The following ACTR8 variants were observed in gnomAD, a reference collection of about 807,000 sequenced individuals.
ACTR8 encodes actin-related protein 8.
ACTR8 carries 70 observed loss-of-function variants against 84.3 expected under a neutral mutation model. The ratio of observed to expected loss-of-function variants is 0.83; its 90% CI spans 0.68 to 1.01. The LOEUF is 1.01. ACTR8 is among the 50% of genes least tolerant of loss of function. The pLI, the probability that ACTR8 is intolerant of heterozygous loss-of-function variation, is 0.00. For missense variants in ACTR8, 672 were observed against 775.4 expected, an observed-to-expected ratio of 0.87 and a Z score of 1.58; for synonymous variants, 268 against 275.2, an observed-to-expected ratio of 0.97 and a Z score of 0.26.
chr3:53,867,366 A>C lies in ACTR8; in HGVS notation c.*1353T>G, dbSNP rs1183082426. Reference sequence around the variant, plus strand: ...AACAAATTTAAAAAATAAAACATACAATTTTCAAATTGAAGGCACACATCC... The same window carrying C: ...AACAAATTTAAAAAATAAAACATACCATTTTCAAATTGAAGGCACACATCC... On this transcript the variant is annotated 3_prime_UTR_variant, in exon 13 of 13. Coordinates refer to ENST00000335754, the MANE Select transcript of ACTR8 (RefSeq NM_022899.5). 1 of 152,206 alleles carries C rather than the reference A, an allele frequency of 6.6e-6. No homozygotes were observed. The highest frequency in any genetic ancestry group is 1.5e-5 in the Non-Finnish European group (1 of 68,040). 9.4% of individuals were successfully genotyped at this position (152,206 alleles called of 1,614,324 possible). A position where few individuals can be genotyped will look rare whatever the true frequency, so the allele number is the denominator to read the frequency against.
intron 7 of ACTR8, among the ~76,000 whole-genome samples, chr3:53,874,593 G>A (rs1428122473): frequency 1.3e-5 from 2 of 151,976 alleles, no homozygotes; most frequent in East Asian, 3.9e-4. Flanking sequence ...GCATGGTGGT[G>A]CACACCTGTA....
intron 2 of ACTR8, among the ~76,000 whole-genome samples, chr3:53,879,623 C>T (rs1700029056): frequency 6.6e-6 from 1 of 152,116 alleles, no homozygotes; most frequent in Non-Finnish European, 1.5e-5. Context: ...GAGATATTTA[C>T]AGTTTAAATA....
At chr3:53,864,483 C>A (rs949034639), downstream of ACTR8, among the ~76,000 whole-genome samples, 1 of 151,906 alleles carries the variant, frequency 6.6e-6, no homozygotes, top group East Asian at 1.9e-4. Context: ...TGTAGTCAGC[C>A]GAGGTCACGC....
At position 53,868,126 on chromosome 3, in the gene ACTR8, T is replaced by C. The variant is rs1361520804; in HGVS notation, c.*593A>G. 2.0e-5 allele frequency: 3 copies of C among 152,174 alleles called. No homozygotes were observed. The highest frequency in any genetic ancestry group is 6.5e-5 in the Admixed American group (1 of 15,272). The allele number at this position is 152,174 out of a possible 1,614,324, so 9.4% of individuals were successfully genotyped here. On this transcript the variant is annotated 3_prime_UTR_variant, in exon 13 of 13. Transcript: ENST00000335754. Reference sequence around the variant, plus strand: ...GCCAGTCTGCCCAGCCTTCCATCTTTACCTTTGGAAATCGAGACCTGAATG... The same window carrying C: ...GCCAGTCTGCCCAGCCTTCCATCTTCACCTTTGGAAATCGAGACCTGAATG...
chr3:53,881,934 G>A (rs762665619), intron 1 of ACTR8, 45 bp downstream of exon 1: 20 of 1,552,602 alleles, frequency 1.3e-5, no homozygotes, highest in Non-Finnish European at 1.6e-5. Flanking sequence ...TGGCAGCGGA[G>A]GACCCAAGCA....
chr3:53,881,295 T>G (rs1700055496), intron 1 of ACTR8, among the ~76,000 whole-genome samples: 1 of 152,224 alleles, frequency 6.6e-6, no homozygotes, highest in African/African-American at 2.4e-5. Flanking sequence ...ACACTGCCTG[T>G]GCCCGTTTTC....
chr3:53,876,530 T>G, intron 6 of ACTR8, 90 bp downstream of exon 6: 2 of 772,086 alleles, frequency 2.6e-6, no homozygotes, highest in Non-Finnish European at 2.1e-6. Context: ...AATAAATAAA[T>G]AAATAAATAA....
At chr3:53,865,944 T>C (rs1381321504), downstream of ACTR8, 1 of 152,258 alleles carries the variant, frequency 6.6e-6, no homozygotes, top group Non-Finnish European at 1.5e-5. Flanking sequence ...CAAACTTGTC[T>C]ACTTTTGCCT....
rs369760477 is a variant in ACTR8 at position 53,869,977 on chromosome 3, C to T, written c.1731+5G>A. ...CAGTCCAACTTGCACAATGAAACAA[C>T]CTACCTTAGGCCTTGTGATCACATC... On this transcript the variant is annotated splice_donor_5th_base_variant and intron_variant, in intron 12 of 12. Coordinates refer to ENST00000335754, the MANE Select transcript of ACTR8 (RefSeq NM_022899.5). 1.5e-5 allele frequency: 25 copies of T among 1,613,656 alleles called. No individual in the cohort carries two copies. In the African/African-American group the frequency reaches 2.9e-4, roughly 19 times the overall value.
chr3:53,859,051 C>T, the ACTR8 span: 1 of 428,984 alleles, frequency 2.3e-6, no homozygotes. Context: ...AAGCAGGATA[C>T]ACAGAAGGGA....
chr3:53,866,870 A>G (rs1445699604), downstream of ACTR8, among the ~76,000 whole-genome samples: 1 of 152,220 alleles, frequency 6.6e-6, no homozygotes, highest in Non-Finnish European at 1.5e-5. Context: ...ACACAGCACA[A>G]TACTGAATCT....
downstream of ACTR8, among the ~76,000 whole-genome samples, chr3:53,863,821 ATTTTT>A (rs11318618): frequency 0.024 from 3,287 of 138,292 alleles, 107 homozygotes; most frequent in East Asian, 0.14. Context: ...ACCTCAAAGT[ATTTTT>A]TTTTTTTTTT....
downstream of ACTR8, chr3:53,865,205 T>G (rs1699742875): frequency 6.2e-7 from 1 of 1,613,964 alleles, no homozygotes; most frequent in African/African-American, 1.3e-5. Context: ...TACCACCTCA[T>G]GAAGGATGCC....
chr3:53,864,274 C>T (rs564490776), downstream of ACTR8, among the ~76,000 whole-genome samples: 13 of 152,320 alleles, frequency 8.5e-5, no homozygotes, highest in Admixed American at 1.3e-4. Flanking sequence ...CGGTGGCTCA[C>T]GCCTGTAATC....
Position 53,873,095 on chromosome 3 carries a change from C to T in ACTR8, c.1098G>A (p.Gln366=). ...GGGCAGGAGAATCAGGATGTCGAAT[C>T]TGAAACTCATGGTCCTGAAGCCCAG... The part of the protein sequence containing the change: ...DISGLQDHEF[Q]IRHPDSPALL... The change falls in exon 9 of 13, where the codon CAG becomes CAA. Residue 366 remains glutamine (Q), a synonymous_variant. Coordinates refer to ENST00000335754, the MANE Select transcript of ACTR8 (RefSeq NM_022899.5). 6.2e-7 allele frequency: 1 copy of T among 1,611,750 alleles called. No individual in the cohort carries two copies. The highest frequency in any genetic ancestry group is 8.5e-7 in the Non-Finnish European group (1 of 1,178,698).
chr3:53,872,751 T>G (rs747619525), intron 9 of ACTR8, among the ~76,000 whole-genome samples: 7 of 152,218 alleles, frequency 4.6e-5, no homozygotes, highest in Non-Finnish European at 8.8e-5. Flanking sequence ...GAGAGAAATC[T>G]CAAAGCAAAT....
chr3:53,878,541 T>A, intron 2 of ACTR8, 74 bp from the exon 3 acceptor site: 1 of 875,656 alleles, frequency 1.1e-6, no homozygotes. Flanking sequence ...ACTACTAATT[T>A]AATCCAATCT....
intron 6 of ACTR8, 24 bp from the exon 7 acceptor site, chr3:53,876,104 G>C: frequency 1.2e-6 from 2 of 1,612,422 alleles, no homozygotes; most frequent in Non-Finnish European, 1.7e-6. Flanking sequence ...AGAAAAGGCA[G>C]AGTAGTCATT....
At chr3:53,869,064 G>A (rs1410951692) in intron 12 of ACTR8, among the ~76,000 whole-genome samples, 1 of 152,208 alleles carries the variant, frequency 6.6e-6, no homozygotes, top group Non-Finnish European at 1.5e-5. Flanking sequence ...GGCAGATCAC[G>A]AGATCAGGAG....
Sources: allele counts gnomAD v4.1 joint callset (sites outside exome capture counted in the v4.1 genomes callset), GRCh38; gene constraint gnomAD v4.1.1; transcripts MANE v1.5; gene names NCBI Gene and HGNC (gene_info 2026-07-23, HGNC 2026-07-21).